Variants in CACUL1 observed in about 807,000 individuals in gnomAD.
CACUL1 encodes CDK2-associated and cullin domain-containing protein 1.
Under a neutral mutation model 45.2 loss-of-function variants are expected in CACUL1, and 13 were observed. That is an observed-to-expected ratio of 0.29 (90% CI 0.19 to 0.46). CACUL1 has a LOEUF of 0.46. Among genes scored for constraint, CACUL1 ranks in the 20% least tolerant of loss-of-function variants. The probability of loss-of-function intolerance (pLI) is 1.00; values close to 1 mark genes in which losing one functional copy is unlikely to be tolerated. For synonymous variants in CACUL1, 197 were observed against 174.2 expected (o/e 1.13, Z -1.03); for missense variants, 421 against 471.4 (o/e 0.89, Z 0.99).
At chr10:118,723,860 G>A (rs962305247) in intron 3 of CACUL1, among the ~76,000 whole-genome samples, 1 of 152,046 alleles carries the variant, frequency 6.6e-6, no homozygotes. Flanking sequence ...CCGCCTCCCG[G>A]GTTCAAGCAA....
chr10:118,712,940 C>T (rs1487833298), intron 3 of CACUL1, among the ~76,000 whole-genome samples: 1 of 152,220 alleles, frequency 6.6e-6, no homozygotes, highest in East Asian at 1.9e-4. Context: ...TTCAGGCCCT[C>T]CTTAGCTTGA....
At chr10:118,713,074 T>A (rs1395292973) in intron 3 of CACUL1, among the ~76,000 whole-genome samples, 1 of 152,210 alleles carries the variant, frequency 6.6e-6, no homozygotes. Context: ...CAAGCTGCCC[T>A]CAGCACCCCT....
At chr10:118,723,496 T>G (rs979840839) in intron 3 of CACUL1, among the ~76,000 whole-genome samples, 2 of 152,214 alleles carry the variant, frequency 1.3e-5, no homozygotes, top group Non-Finnish European at 2.9e-5. Context: ...ATCTTCAAGT[T>G]TTCATCTGGA....
chr10:118,686,828 G>A, intron 7 of CACUL1, 187 bp from the exon 8 acceptor site: 6 of 594,938 alleles, frequency 1.0e-5, no homozygotes, highest in South Asian at 8.5e-5. Flanking sequence ...AAGAACATGA[G>A]CCTTTACCTG....
At chr10:118,696,851 C>T (rs1252689457) in intron 5 of CACUL1, among the ~76,000 whole-genome samples, 1 of 152,214 alleles carries the variant, frequency 6.6e-6, no homozygotes, top group Non-Finnish European at 1.5e-5. Context: ...ATCTTCCTAA[C>T]CTTTTCACCA....
chr10:118,694,294 T>C (rs1845299589), intron 6 of CACUL1, among the ~76,000 whole-genome samples: 1 of 152,260 alleles, frequency 6.6e-6, no homozygotes, highest in African/African-American at 2.4e-5. Context: ...ACCATTAAAC[T>C]CAAATGGATA....
At chr10:118,738,915 A>AAAAT (rs59742595) in intron 1 of CACUL1, among the ~76,000 whole-genome samples, 6 of 147,522 alleles carry the variant, frequency 4.1e-5, no homozygotes, top group Non-Finnish European at 7.4e-5. Flanking sequence ...AAAAAAAAAA[A>AAAAT]GCCTGGGCGC....
intron 8 of CACUL1, 47 bp downstream of exon 8, chr10:118,686,551 C>T (rs772762312): frequency 3.5e-6 from 5 of 1,426,290 alleles, no homozygotes; most frequent in African/African-American, 2.8e-5. Flanking sequence ...AATATGGCTG[C>T]TTTACATCAC....
At chr10:118,744,080 T>C (rs972680469) in intron 1 of CACUL1, among the ~76,000 whole-genome samples, 4 of 152,196 alleles carry the variant, frequency 2.6e-5, no homozygotes, top group African/African-American at 9.6e-5. Context: ...CTCAGTATGA[T>C]TCCATTCATA....
chr10:118,724,107 A>G (rs1845628236), intron 3 of CACUL1, among the ~76,000 whole-genome samples: 1 of 152,178 alleles, frequency 6.6e-6, no homozygotes, highest in Admixed American at 6.5e-5. Flanking sequence ...AGGCTTTAGC[A>G]AATGAGAAGG....
At chr10:118,726,396 T>C (rs966337695) in intron 3 of CACUL1, 1 of 1,112,492 alleles carries the variant, frequency 9.0e-7, no homozygotes, top group African/African-American at 1.6e-5. Flanking sequence ...GAGTTGTAAT[T>C]GTGGCAGACA....
At chr10:118,726,445 C>T (rs146714260) in intron 3 of CACUL1, 2 of 547,562 alleles carry the variant, frequency 3.7e-6, no homozygotes, top group Non-Finnish European at 5.7e-6. Context: ...GTCCCTCCCC[C>T]TCAAGGAAGG....
chr10:118,740,865 G>GCAGTGAGCCAAGATCGCGCCACCGCACTC (rs1170977839), intron 1 of CACUL1, among the ~76,000 whole-genome samples: 1 of 146,062 alleles, frequency 6.8e-6, no homozygotes, highest in Non-Finnish European at 1.5e-5. Context: ...GACGGAGCTT[G>GCAGTGAGCCAAGATCGCGCCACCGCACTC]CAGTGAGCCA....
At chr10:118,693,656 T>C (rs10510046) in intron 6 of CACUL1, 68,320 of 451,154 alleles carry the variant, frequency 0.15, 7,186 homozygotes, top group Admixed American at 0.33. Context: ...ATACTGCACT[T>C]AGATGCTTTC....
intron 1 of CACUL1, among the ~76,000 whole-genome samples, chr10:118,750,915 G>A (rs1429605527): frequency 6.6e-6 from 1 of 152,154 alleles, no homozygotes; most frequent in Non-Finnish European, 1.5e-5. Context: ...CATACAGTGT[G>A]TAATAATCCC....
rs1166274131 is a variant in CACUL1, at chr10:118,746,241, G to C, written c.367+8155C>G. Among the ~76,000 whole-genome samples the C allele has an allele frequency of 2.0e-5, 3 of 151,230 alleles. No homozygotes were observed. In the East Asian group the frequency reaches 5.8e-4, roughly 29 times the overall value. On this transcript the variant is annotated intron_variant, in intron 1 of 8. Transcript: ENST00000369151. ...TCATGATAAACAGTCAATTCATCAA[G>C]AAGATATGCAACAATCCTAAATCTG...
chr10:118,721,200 A>C (rs1845597083), intron 3 of CACUL1, among the ~76,000 whole-genome samples: 1 of 152,250 alleles, frequency 6.6e-6, no homozygotes, highest in South Asian at 2.1e-4. Flanking sequence ...CAGTTGAGTT[A>C]TGCTGCCACC....
chr10:118,718,891 A>C (rs1270333147), intron 3 of CACUL1, among the ~76,000 whole-genome samples: 2 of 152,318 alleles, frequency 1.3e-5, no homozygotes, highest in East Asian at 3.9e-4. Flanking sequence ...CCCATTTCTA[A>C]GCAGAAACTG....
chr10:118,704,657 G>A (rs1220793460), intron 4 of CACUL1, among the ~76,000 whole-genome samples: 1 of 152,094 alleles, frequency 6.6e-6, no homozygotes, highest in Non-Finnish European at 1.5e-5. Flanking sequence ...CCACCTTTGA[G>A]TAGTGTCCTT....
Sources: gnomAD v4.1 joint callset for allele counts (sites outside exome capture counted in the v4.1 genomes callset) on GRCh38, gnomAD v4.1.1 for gene constraint, MANE v1.5 for transcripts, NCBI Gene and HGNC (gene_info 2026-07-23, HGNC 2026-07-21) for gene names.